Variants in MESP1 observed in about 807,000 individuals in gnomAD.
MESP1 encodes mesoderm posterior protein 1.
Under a neutral mutation model 15.2 loss-of-function variants are expected in MESP1, and 22 were observed. That is an observed-to-expected ratio of 1.45 (90% CI 1.04 to 2.07). MESP1 has a LOEUF of 2.07. MESP1 is among the 30% of genes most tolerant of loss of function. The probability of loss-of-function intolerance (pLI) is 0.00; values close to 1 mark genes in which losing one functional copy is unlikely to be tolerated. For synonymous variants in MESP1, 216 were observed against 192.6 expected, an observed-to-expected ratio of 1.12 and a Z score of -1.01; for missense variants, 484 against 411.9, an observed-to-expected ratio of 1.17 and a Z score of -1.51.
chr15:89,749,261 A>T (rs528527594), downstream of MESP1: 3 of 152,270 alleles, frequency 2.0e-5, no homozygotes, highest in East Asian at 3.9e-4. Context: ...CCGCCACACC[A>T]TTATTTATGT....
At position 89,750,575 on chromosome 15, in the gene MESP1, C is replaced by T. The variant is rs2305439; in HGVS notation, c.657G>A (p.Pro219=). The T allele has an allele frequency of 4.9e-6, 7 of 1,433,458 alleles. No individual in the cohort carries two copies. The highest frequency in any genetic ancestry group is 6.4e-6 in the Non-Finnish European group (7 of 1,101,546). The allele number at this position is 1,433,458 out of a possible 1,614,324, so 88.8% of individuals were successfully genotyped here. ...GARAAPEPRD[P]PALFAEAACP... ...ACGCCGCCTCGGCGAACAGCGCAGG[C>T]GGGTCGCGCGGCTCGGGTGCAGCTC... The change falls in exon 1 of 2, where the codon CCG becomes CCA. Residue 219 remains proline, a synonymous_variant. Transcript: ENST00000300057.
At chr15:89,746,496 C>CCCG (rs1306837996), downstream of MESP1, among the ~76,000 whole-genome samples, 1 of 149,568 alleles carries the variant, frequency 6.7e-6, no homozygotes, top group Non-Finnish European at 1.5e-5. Context: ...CACACACAGC[C>CCCG]CCGCCTCCAC....
chr15:89,747,135 CA>C (rs1567139501), downstream of MESP1, among the ~76,000 whole-genome samples: 170 of 150,172 alleles, frequency 1.1e-3, no homozygotes, highest in African/African-American at 3.9e-3. Flanking sequence ...CACACACACA[CA>C]CACACACACA....
At chr15:89,734,332 C>T in the MESP1 span, among the ~76,000 whole-genome samples, 5 of 152,174 alleles carry the variant, frequency 3.3e-5, no homozygotes, top group African/African-American at 1.2e-4. Context: ...CAGCTCACAG[C>T]TCTTCTAAGA....
At position 89,750,529 on chromosome 15, in the gene MESP1, C is replaced by G; in HGVS notation, c.703G>C (p.Glu235Gln). Residue 235 changes from glutamate to glutamine, a missense_variant, in exon 1 of 2, where the codon GAG becomes CAG. Physicochemically the swap from Glu to Gln is conservative, Grantham distance 29 (BLOSUM62 2). Coordinates refer to ENST00000300057, the MANE Select transcript of MESP1 (RefSeq NM_018670.4). ...CTAACCGGGGACGGTGGGCTTGGCT[C>G]CATCGCCTGCCCTTCAGGGCACGCC... Reference protein sequence around the residue: ...EAACPEGQAMEPSPPSPLLPG... With the variant: ...EAACPEGQAMQPSPPSPLLPG... 1 of 1,498,480 alleles carries G rather than the reference C, an allele frequency of 6.7e-7. No individual in the cohort carries two copies. The highest frequency in any genetic ancestry group is 1.3e-5 in the South Asian group (1 of 75,992). 92.8% of individuals were successfully genotyped at this position (1,498,480 alleles called of 1,614,324 possible). A position where few individuals can be genotyped will look rare whatever the true frequency, so the allele number is the denominator to read the frequency against.
In MESP1 at chr15:89,750,014, C is replaced by A; in HGVS notation, c.*130G>T. The A allele has an allele frequency of 1.1e-6, 1 of 903,258 alleles. No homozygotes were observed. The highest frequency in any genetic ancestry group is 1.8e-6 in the Non-Finnish European group (1 of 552,760). The allele number at this position is 903,258 out of a possible 1,614,324, so 56.0% of individuals were successfully genotyped here. On this transcript the variant is annotated 3_prime_UTR_variant, in exon 2 of 2. Coordinates refer to ENST00000300057, the MANE Select transcript of MESP1 (RefSeq NM_018670.4). ...GCCGCCGCGGTGGGGACGGCTCTCA[C>A]CCGCAGGAATGCCCCCGTCGGGATC...
In MESP1 at chr15:89,750,031, G is replaced by T. The variant is rs1049606089; in HGVS notation, c.*113C>A. 1.7e-5 allele frequency: 18 copies of T among 1,048,666 alleles called. No homozygotes were observed. The highest frequency in any genetic ancestry group is 2.7e-5 in the Non-Finnish European group (18 of 676,502). 65.0% of individuals were successfully genotyped at this position (1,048,666 alleles called of 1,614,324 possible). A position where few individuals can be genotyped will look rare whatever the true frequency, so the allele number is the denominator to read the frequency against. On this transcript the variant is annotated 3_prime_UTR_variant, in exon 2 of 2. Coordinates refer to ENST00000300057, the MANE Select transcript of MESP1 (RefSeq NM_018670.4). ...GGCTCTCACCCGCAGGAATGCCCCC[G>T]TCGGGATCGCCCGTGCCCTCTTCCA...
rs1019133705 is a variant in MESP1 at position 89,750,832 on chromosome 15, C to T, written c.400G>A (p.Gly134Ser). 3 of 1,531,356 alleles carry T rather than the reference C, an allele frequency of 2.0e-6. No homozygotes were observed. The highest frequency in any genetic ancestry group is 1.9e-5 in the Admixed American group (1 of 51,292). 94.9% of individuals were successfully genotyped at this position (1,531,356 alleles called of 1,614,324 possible). The change falls in exon 1 of 2, where the codon GGC becomes AGC. Residue 134 changes from glycine to serine, a missense_variant. Transcript: ENST00000300057. The stretch of plus-strand genomic sequence containing the variant: ...AGGCCTAGCACGGCCGACAGGTGGC[C>T]GATATAGCGGATAGCCAGGCGCAGC... ...ETLRLAIRYI[G>S]HLSAVLGLSE... is the part of the protein sequence containing the mutation.
the MESP1 span, among the ~76,000 whole-genome samples, chr15:89,741,583 CA>C: frequency 6.6e-6 from 1 of 152,066 alleles, no homozygotes; most frequent in Non-Finnish European, 1.5e-5. Context: ...GAGTTAAGGT[CA>C]AAAATATAAA....
chr15:89,742,637 G>A, the MESP1 span, among the ~76,000 whole-genome samples: 2 of 152,022 alleles, frequency 1.3e-5, no homozygotes, highest in Admixed American at 6.6e-5. Flanking sequence ...AGATTCAAGC[G>A]ATTCTCCTGC....
At chr15:89,737,352 G>A in the MESP1 span, among the ~76,000 whole-genome samples, 10 of 152,222 alleles carry the variant, frequency 6.6e-5, no homozygotes, top group African/African-American at 2.4e-4. Context: ...CATAGCCCTG[G>A]AGCAGACAGC....
the MESP1 span, among the ~76,000 whole-genome samples, chr15:89,743,791 C>A: frequency 1.3e-5 from 2 of 152,238 alleles, no homozygotes; most frequent in African/African-American, 2.4e-5. Flanking sequence ...GAGCAAGACA[C>A]CCCGCCCACC....
chr15:89,737,441 C>T, the MESP1 span: 10 of 1,241,440 alleles, frequency 8.1e-6, no homozygotes, highest in South Asian at 1.4e-4. Context: ...CTGGATGGAT[C>T]CAGAGGCTGG....
chr15:89,742,017 C>CT, the MESP1 span, among the ~76,000 whole-genome samples: 1 of 152,180 alleles, frequency 6.6e-6, no homozygotes, highest in Non-Finnish European at 1.5e-5. Context: ...TCCCAAAGTG[C>CT]TGGGATTACA....
chr15:89,738,023 G>T, the MESP1 span: 1 of 1,594,212 alleles, frequency 6.3e-7, no homozygotes, highest in Non-Finnish European at 8.5e-7. Flanking sequence ...AGAACATGGT[G>T]TTCTTGTCTC....
chr15:89,733,275 T>C, the MESP1 span: 6 of 1,523,192 alleles, frequency 3.9e-6, no homozygotes, highest in Non-Finnish European at 5.4e-6. Context: ...TTTTAATTGC[T>C]ATTTGATAGT....
the MESP1 span, chr15:89,733,198 CCA>C: frequency 1.9e-6 from 3 of 1,613,950 alleles, no homozygotes; most frequent in Non-Finnish European, 2.5e-6. Flanking sequence ...CAAGGACCCA[CCA>C]TCAGTGTGCT....
At chr15:89,742,243 A>AAATT in the MESP1 span, among the ~76,000 whole-genome samples, 5,462 of 152,134 alleles carry the variant, frequency 0.036, 365 homozygotes, top group African/African-American at 0.13. Context: ...TATAAATAAA[A>AAATT]AATTAATTAA....
At chr15:89,746,384 ATCCACACATCCACACAGCATCCACACC>A (rs1375467181), downstream of MESP1, among the ~76,000 whole-genome samples, 1 of 126,278 alleles carries the variant, frequency 7.9e-6, no homozygotes, top group Non-Finnish European at 1.6e-5. Context: ...ACCTCCACAC[ATCCACACATCCACACAGCATCCACACC>A]TCCACACATC....
Sources: gnomAD v4.1 joint callset for allele counts (sites outside exome capture counted in the v4.1 genomes callset) on GRCh38, gnomAD v4.1.1 for gene constraint, MANE v1.5 for transcripts, NCBI Gene and HGNC (gene_info 2026-07-23, HGNC 2026-07-21) for gene names.